The following INSL6 variants were observed in gnomAD, a reference collection of about 807,000 sequenced individuals.
INSL6 encodes insulin-like peptide INSL6.
In INSL6, 16 loss-of-function variants were observed where a neutral mutation model predicts 9.4. The observed-to-expected ratio is 1.70, with a 90% CI of 1.15 to 2.59. The LOEUF (loss-of-function observed/expected upper bound fraction) is 2.59. Ranked by LOEUF, INSL6 falls within the 30% of genes most tolerant of loss-of-function variation. The probability of loss-of-function intolerance (pLI) is 0.00; values close to 1 mark genes in which losing one functional copy is unlikely to be tolerated. For missense variants in INSL6, 391 were observed against 257.3 expected, an observed-to-expected ratio of 1.52 and a Z score of -3.56; for synonymous variants, 154 against 96.9, an observed-to-expected ratio of 1.59 and a Z score of -3.46.
At chr9:5,085,906 C>T in the INSL6 span, 3 of 931,514 alleles carry the variant, frequency 3.2e-6, no homozygotes, top group African/African-American at 1.6e-5. Context: ...TTTCTAATAC[C>T]CTCATACAGA....
the INSL6 span, among the ~76,000 whole-genome samples, chr9:4,999,970 C>G: frequency 6.6e-6 from 1 of 152,034 alleles, no homozygotes; most frequent in South Asian, 2.1e-4. Context: ...TTCTTGTTTA[C>G]CAGTCAGCTA....
chr9:4,996,402 C>T, the INSL6 span, among the ~76,000 whole-genome samples: 8 of 151,812 alleles, frequency 5.3e-5, no homozygotes, highest in Non-Finnish European at 7.4e-5. Flanking sequence ...GAGCTGAGAT[C>T]GTGCCATTGC....
chr9:5,175,186 T>C (rs1225840923), intron 1 of INSL6, among the ~76,000 whole-genome samples: 1 of 152,050 alleles, frequency 6.6e-6, no homozygotes, highest in Admixed American at 6.6e-5. Flanking sequence ...ATGATCCACC[T>C]GCCTCGGCCT....
the INSL6 span, among the ~76,000 whole-genome samples, chr9:5,089,068 C>T: frequency 5.3e-5 from 8 of 152,234 alleles, no homozygotes; most frequent in Non-Finnish European, 1.2e-4. Context: ...GAATCCTCAG[C>T]ATGTCCCTTG....
At chr9:4,993,953 T>C in the INSL6 span, among the ~76,000 whole-genome samples, 5 of 152,304 alleles carry the variant, frequency 3.3e-5, no homozygotes, top group Admixed American at 1.3e-4. Context: ...TGAGTGATCA[T>C]GTATGGATGA....
At chr9:5,068,040 G>A in the INSL6 span, among the ~76,000 whole-genome samples, 1 of 151,966 alleles carries the variant, frequency 6.6e-6, no homozygotes, top group Non-Finnish European at 1.5e-5. Flanking sequence ...CGCACCTGTA[G>A]TCCCAGCTAC....
intron 2 of INSL6, among the ~76,000 whole-genome samples, chr9:5,153,539 G>T (rs933228066): frequency 6.6e-6 from 1 of 152,198 alleles, no homozygotes; most frequent in Non-Finnish European, 1.5e-5. Context: ...AAGTCAAATT[G>T]TCTGTTTGCA....
chr9:5,124,579 A>C (rs1431567086), intron 3 of INSL6, among the ~76,000 whole-genome samples: 1 of 151,854 alleles, frequency 6.6e-6, no homozygotes, highest in East Asian at 1.9e-4. Flanking sequence ...ATAGGGAACC[A>C]AAAAGAGCCC....
At chr9:5,041,182 C>T in the INSL6 span, 3 of 1,346,466 alleles carry the variant, frequency 2.2e-6, no homozygotes, top group Non-Finnish European at 3.1e-6. Context: ...CCAAGAACCT[C>T]ATTTACCAGG....
chr9:5,012,240 T>C, the INSL6 span, among the ~76,000 whole-genome samples: 21 of 152,208 alleles, frequency 1.4e-4, no homozygotes, highest in Admixed American at 6.5e-5. Context: ...GTGTATGTAG[T>C]TGTCTCAGGA....
At chr9:5,083,474 A>T in the INSL6 span, among the ~76,000 whole-genome samples, 1 of 152,142 alleles carries the variant, frequency 6.6e-6, no homozygotes, top group East Asian at 1.9e-4. Context: ...ATATCTCCAG[A>T]TGTCATTGAT....
chr9:5,181,221 G>A (rs1287359221), intron 1 of INSL6, among the ~76,000 whole-genome samples: 2 of 152,140 alleles, frequency 1.3e-5, no homozygotes, highest in Non-Finnish European at 2.9e-5. Context: ...AAAGGTTGAA[G>A]ATTTAGGTTA....
chr9:5,089,779 A>C, the INSL6 span: 2 of 1,600,424 alleles, frequency 1.2e-6, no homozygotes, highest in South Asian at 1.1e-5. Flanking sequence ...AGAGCACCTA[A>C]GAGACTTTGA....
At chr9:5,053,810 C>A in the INSL6 span, among the ~76,000 whole-genome samples, 1 of 151,760 alleles carries the variant, frequency 6.6e-6, no homozygotes, top group Admixed American at 6.6e-5. Flanking sequence ...GAATGAGGTC[C>A]AGAAAGGCTT....
At chr9:5,075,905 A>G in the INSL6 span, among the ~76,000 whole-genome samples, 1 of 152,198 alleles carries the variant, frequency 6.6e-6, no homozygotes, top group African/African-American at 2.4e-5. Context: ...AATAGCATTC[A>G]TGGTTCATGG....
the INSL6 span, among the ~76,000 whole-genome samples, chr9:5,116,171 A>C: frequency 6.6e-6 from 1 of 152,114 alleles, no homozygotes; most frequent in East Asian, 1.9e-4. Context: ...ATGTATGATT[A>C]TTATCTCTAT....
downstream of INSL6, among the ~76,000 whole-genome samples, chr9:5,120,384 GA>G (rs1169022829): frequency 2.0e-5 from 3 of 152,182 alleles, no homozygotes; most frequent in African/African-American, 7.2e-5. Flanking sequence ...AAGTCTGAAA[GA>G]ACTCAATTTT....
chr9:5,155,002 G>A (rs1461548487), intron 2 of INSL6, among the ~76,000 whole-genome samples: 1 of 151,844 alleles, frequency 6.6e-6, no homozygotes, highest in Admixed American at 6.6e-5. Context: ...TATAAATCAT[G>A]CTGCTATAAA....
chr9:5,182,369 C>T lies in INSL6; in HGVS notation c.289+2945G>A, dbSNP rs146275327. Among the ~76,000 whole-genome samples, 441 of 151,750 alleles carry T rather than the reference C, an allele frequency of 2.9e-3. 1 individual carries two copies. Among genetic ancestry groups the T allele is most frequent in the African/African-American group, 9.7e-3 (399 of 41,288 alleles). Reference sequence around the variant, plus strand: ...ATAAAAACAAAAAATATATAATAAACACATTACAACAATTGCCAAGGAGAG... The same window carrying T: ...ATAAAAACAAAAAATATATAATAAATACATTACAACAATTGCCAAGGAGAG... On this transcript the variant is annotated intron_variant, in intron 1 of 1. Transcript: ENST00000381641.
Sources: gnomAD v4.1 joint callset for allele counts (sites outside exome capture counted in the v4.1 genomes callset) on GRCh38, gnomAD v4.1.1 for gene constraint, MANE v1.5 for transcripts, NCBI Gene and HGNC (gene_info 2026-07-23, HGNC 2026-07-21) for gene names.